The following MGAT4C variants were observed in gnomAD, a reference collection of about 807,000 sequenced individuals.
MGAT4C encodes alpha-1,3-mannosyl-glycoprotein 4-beta-N-acetylglucosaminyltransferase C.
Under a neutral mutation model 40.1 loss-of-function variants are expected in MGAT4C, and 19 were observed. The ratio of observed to expected loss-of-function variants is 0.47; its 90% CI spans 0.33 to 0.70. MGAT4C has a LOEUF of 0.70. Among genes scored for constraint, MGAT4C ranks in the 30% least tolerant of loss-of-function variants. The pLI, the probability that MGAT4C is intolerant of heterozygous loss-of-function variation, is 0.02. For missense variants in MGAT4C, 491 were observed against 563.2 expected (o/e 0.87, Z 1.30); for synonymous variants, 181 against 187.1 (o/e 0.97, Z 0.27).
intron 3 of MGAT4C, among the ~76,000 whole-genome samples, chr12:86,394,579 G>A (rs1279139134): frequency 1.5e-5 from 2 of 136,646 alleles, no homozygotes; most frequent in Non-Finnish European, 3.1e-5. Flanking sequence ...ATTTATATAT[G>A]TGTATAAAAT....
At chr12:86,046,875 T>C (rs902669897) in intron 2 of MGAT4C, among the ~76,000 whole-genome samples, 1 of 152,194 alleles carries the variant, frequency 6.6e-6, no homozygotes, top group African/African-American at 2.4e-5. Flanking sequence ...TATTGAATCA[T>C]ACACGAAAGA....
chr12:86,487,000 A>T (rs1021670771), intron 2 of MGAT4C, among the ~76,000 whole-genome samples: 1 of 152,178 alleles, frequency 6.6e-6, no homozygotes, highest in Non-Finnish European at 1.5e-5. Flanking sequence ...ACTGATATCA[A>T]TTGAATGCTT....
At chr12:86,324,935 A>G (rs1232362829) in intron 4 of MGAT4C, among the ~76,000 whole-genome samples, 2 of 152,144 alleles carry the variant, frequency 1.3e-5, no homozygotes, top group Non-Finnish European at 1.5e-5. Context: ...CAGTGTTAAA[A>G]TGACATGTTT....
At chr12:86,013,512 A>G (rs1888731534) in intron 2 of MGAT4C, among the ~76,000 whole-genome samples, 1 of 152,186 alleles carries the variant, frequency 6.6e-6, no homozygotes, top group Admixed American at 6.5e-5. Context: ...ACATACTAAC[A>G]TACAAAATGC....
chr12:86,396,725 A>C (rs1956269688), intron 3 of MGAT4C, among the ~76,000 whole-genome samples: 1 of 152,176 alleles, frequency 6.6e-6, no homozygotes, highest in Non-Finnish European at 1.5e-5. Context: ...ACTTTTATAT[A>C]ATTATCACTT....
intron 2 of MGAT4C, among the ~76,000 whole-genome samples, chr12:86,447,052 G>C (rs1565769637): frequency 6.6e-6 from 1 of 152,074 alleles, no homozygotes; most frequent in Non-Finnish European, 1.5e-5. Flanking sequence ...TTGTAGAACA[G>C]TGACCCTTCA....
chr12:86,717,424 A>T (rs1950662102), intron 2 of MGAT4C, among the ~76,000 whole-genome samples: 2 of 152,144 alleles, frequency 1.3e-5, no homozygotes, highest in African/African-American at 2.4e-5. Context: ...CATGACTAAC[A>T]GTTCTGATAT....
At chr12:86,770,739 C>G (rs1020633261) in intron 1 of MGAT4C, among the ~76,000 whole-genome samples, 4 of 151,892 alleles carry the variant, frequency 2.6e-5, no homozygotes, top group Non-Finnish European at 4.4e-5. Context: ...AGTTAATAAT[C>G]TTAATCTTCC....
intron 1 of MGAT4C, among the ~76,000 whole-genome samples, chr12:86,782,704 T>A (rs1951866409): frequency 6.6e-6 from 1 of 152,024 alleles, no homozygotes; most frequent in Non-Finnish European, 1.5e-5. Flanking sequence ...GTTAATGAGA[T>A]CATAAGAATG....
chr12:86,700,848 A>G (rs980722529), intron 2 of MGAT4C, among the ~76,000 whole-genome samples: 3 of 152,152 alleles, frequency 2.0e-5, no homozygotes, highest in African/African-American at 7.2e-5. Context: ...GGAAGAAAAT[A>G]GTATTACATT....
intron 2 of MGAT4C, among the ~76,000 whole-genome samples, chr12:86,457,218 G>A (rs1287104861): frequency 6.6e-6 from 1 of 151,842 alleles, no homozygotes; most frequent in African/African-American, 2.4e-5. Context: ...TTAATAACTA[G>A]TCAACTACTT....
At chr12:86,772,690 G>A (rs568515248) in intron 1 of MGAT4C, among the ~76,000 whole-genome samples, 2 of 152,272 alleles carry the variant, frequency 1.3e-5, no homozygotes, top group South Asian at 4.1e-4. Flanking sequence ...TAATTTTTAA[G>A]ATTTAAAATC....
chr12:86,485,676 G>A (rs1271021348), intron 2 of MGAT4C, among the ~76,000 whole-genome samples: 1 of 152,094 alleles, frequency 6.6e-6, no homozygotes, highest in Non-Finnish European at 1.5e-5. Context: ...CCATGAAAAT[G>A]CCCCCAATCT....
intron 3 of MGAT4C, among the ~76,000 whole-genome samples, chr12:86,430,885 T>C (rs1176073046): frequency 6.6e-6 from 1 of 152,226 alleles, no homozygotes; most frequent in Non-Finnish European, 1.5e-5. Context: ...CTTGATTTTC[T>C]AGGTTAAGTA....
intron 2 of MGAT4C, among the ~76,000 whole-genome samples, chr12:86,627,361 G>C (rs563262814): frequency 5.9e-5 from 9 of 152,174 alleles, no homozygotes; most frequent in Non-Finnish European, 8.8e-5. Context: ...GCTCTGAAGA[G>C]AGCAGTGGTT....
chr12:86,694,145 T>G lies in MGAT4C; in HGVS notation c.-229+33064A>C, dbSNP rs116875631. Among the ~76,000 whole-genome samples the G allele has an allele frequency of 1.1e-3, 175 of 152,290 alleles. 1 individual carries two copies. Among genetic ancestry groups the G allele is most frequent in the Non-Finnish European group, 2.0e-3 (138 of 67,984 alleles). On this transcript the variant is annotated intron_variant, in intron 2 of 7. Coordinates refer to the MGAT4C transcript ENST00000548651. ...ATCATGACCAAAACTCTAACTGATG[T>G]GTCTTTCCAGCTCTTTCTTAGTGAA...
rs561187873 is a variant in MGAT4C, at chr12:86,769,345, A to G, written c.-261-42104T>C. ...ACCATCTCACACCAGTTAGAATGGC[A>G]ATCATTAAAAAGTCTGGAAACAGGT... On this transcript the variant is annotated intron_variant, in intron 1 of 7. Transcript: ENST00000548651. 3.5e-3 allele frequency among the ~76,000 whole-genome samples: 482 copies of G among 138,340 alleles called. 2 individuals carry two copies. The highest frequency in any genetic ancestry group is 0.011 in the African/African-American group (465 of 41,062). 90.8% of individuals were successfully genotyped at this position (138,340 alleles called of 152,430 possible).
At chr12:86,010,680 AC>A (rs1888371896) in intron 2 of MGAT4C, among the ~76,000 whole-genome samples, 1 of 124,178 alleles carries the variant, frequency 8.1e-6, no homozygotes, top group Non-Finnish European at 1.8e-5. Flanking sequence ...TCTGTCTCTA[AC>A]AAACAAACAA....
chr12:85,991,802 G>A (rs1403543226), intron 2 of MGAT4C, among the ~76,000 whole-genome samples: 3 of 152,132 alleles, frequency 2.0e-5, no homozygotes, highest in Non-Finnish European at 4.4e-5. Flanking sequence ...GACCTGCCTG[G>A]GCAATATAGT....
Sources: allele counts gnomAD v4.1 joint callset (sites outside exome capture counted in the v4.1 genomes callset), GRCh38; gene constraint gnomAD v4.1.1; transcripts MANE v1.5; gene names NCBI Gene and HGNC (gene_info 2026-07-23, HGNC 2026-07-21).